The following B4GALT2 variants were observed in gnomAD, a reference collection of about 807,000 sequenced individuals.
The protein encoded by B4GALT2 is N-acetyllactosamine synthase.
Under a neutral mutation model 33.2 loss-of-function variants are expected in B4GALT2, and 18 were observed. The observed-to-expected ratio is 0.54, with a 90% CI of 0.38 to 0.80. B4GALT2 has a LOEUF of 0.80. Among genes scored for constraint, B4GALT2 ranks in the 30% least tolerant of loss-of-function variants. The pLI is 0.00. For synonymous variants in B4GALT2, 214 were observed against 217.6 expected (o/e 0.98, Z 0.15); for missense variants, 404 against 526.2 (o/e 0.77, Z 2.27).
chr1:43,981,613 C>T lies in B4GALT2; in HGVS notation c.314-76C>T. 1.2e-5 allele frequency: 19 copies of T among 1,543,494 alleles called. No homozygotes were observed. Among genetic ancestry groups the T allele is most frequent in the Non-Finnish European group, 1.6e-5 (18 of 1,141,274 alleles). ...CTATTCTTGGGGTTCCCTAGCCCAC[C>T]CCCAGGCTGAGGGTGGGGGCTGGTA... is the stretch of plus-strand genomic sequence containing the variant. On this transcript the variant is annotated intron_variant, in intron 2 of 6. Transcript: ENST00000372324. This position sits in a 1 kb window ranked among gnomAD's most constrained non-coding sequence, Gnocchi z 8.1.
chr1:43,985,698 A>G, intron 6 of B4GALT2, 77 bp downstream of exon 6: 2 of 1,410,316 alleles, frequency 1.4e-6, no homozygotes, highest in Admixed American at 3.4e-5. Flanking sequence ...CAAGTGGCCC[A>G]ATCCCTGATC....
Position 43,985,433 on chromosome 1 carries a change from TG to T in B4GALT2, c.863+42del, listed in dbSNP as rs753945497. 4.9e-3 allele frequency: 691 copies of T among 142,292 alleles called. 22 individuals carry two copies. The highest frequency in any genetic ancestry group is 4.4e-3 in the African/African-American group (26 of 5,904). The allele number at this position is 142,292 out of a possible 1,614,324, so 8.8% of individuals were successfully genotyped here. A position where few individuals can be genotyped will look rare whatever the true frequency, so the allele number is the denominator to read the frequency against. On this transcript the variant is annotated intron_variant, in intron 5 of 6. Transcript: ENST00000372324. Reference sequence around the variant, plus strand: ...AGCACGCGGTGGGGAATAGGCTGGGTGGGGGGGGGAGGGGGGGTGCAGACTG... The same window carrying T: ...AGCACGCGGTGGGGAATAGGCTGGGTGGGGGGGGAGGGGGGGTGCAGACTG...
At chr1:43,986,985 G>A (rs1157900976) in intron 6 of B4GALT2, among the ~76,000 whole-genome samples, 2 of 152,140 alleles carry the variant, frequency 1.3e-5, no homozygotes, top group African/African-American at 4.8e-5. Context: ...GAGTGGGGGA[G>A]GTGGTTTGTA....
Position 43,984,450 on chromosome 1 carries a change from G to C in B4GALT2, c.550-415G>C, listed in dbSNP as rs1402308916. 6.6e-6 allele frequency among the ~76,000 whole-genome samples: 1 copy of C among 152,254 alleles called. No individual in the cohort carries two copies. The highest frequency in any genetic ancestry group is 2.4e-5 in the African/African-American group (1 of 41,466). On this transcript the variant is annotated intron_variant, in intron 3 of 6. Coordinates refer to ENST00000372324, the MANE Select transcript of B4GALT2 (RefSeq NM_003780.5). This position sits in a 1 kb window ranked among gnomAD's most constrained non-coding sequence, Gnocchi z 5.6. Reference sequence around the variant, plus strand: ...GAATGAGATGAGAACTCCACCTGACGTTGTCAATGGGTATTGGCATAAAGG... The same window carrying C: ...GAATGAGATGAGAACTCCACCTGACCTTGTCAATGGGTATTGGCATAAAGG...
At chr1:43,986,967 C>T (rs912103237) in intron 6 of B4GALT2, among the ~76,000 whole-genome samples, 6 of 151,594 alleles carry the variant, frequency 4.0e-5, no homozygotes, top group African/African-American at 4.9e-5. Context: ...ACTCTGAACA[C>T]GGGGTAGGAG....
In B4GALT2 at chr1:43,990,696, G is replaced by C. The variant is rs988771397; in HGVS notation, c.*248G>C. On this transcript the variant is annotated 3_prime_UTR_variant, in exon 7 of 7. Transcript: ENST00000372324. ...CCTCCTTCCCGACCCCCTCCCCCTAGCCCAGCCCCAGTCACTGTCAGGGTC... is the reference window on the plus strand; with the variant it reads ...CCTCCTTCCCGACCCCCTCCCCCTACCCCAGCCCCAGTCACTGTCAGGGTC... The C allele has an allele frequency of 4.8e-5, 26 of 538,022 alleles. No individual in the cohort carries two copies. The highest frequency in any genetic ancestry group is 7.6e-5 in the Non-Finnish European group (23 of 301,572). The allele number at this position is 538,022 out of a possible 1,614,324, so 33.3% of individuals were successfully genotyped here.
Position 43,985,443 on chromosome 1 carries a change from A to AGGG in B4GALT2, c.863+48_863+50dup, listed in dbSNP as rs61096284. 1.7e-3 allele frequency: 699 copies of AGGG among 404,128 alleles called. 9 individuals are homozygous for AGGG. Among genetic ancestry groups the AGGG allele is most frequent in the African/African-American group, 1.0e-2 (344 of 34,544 alleles). The allele number at this position is 404,128 out of a possible 1,614,324, so 25.0% of individuals were successfully genotyped here. A position where few individuals can be genotyped will look rare whatever the true frequency, so the allele number is the denominator to read the frequency against. On this transcript the variant is annotated intron_variant, in intron 5 of 6. Coordinates refer to ENST00000372324, the MANE Select transcript of B4GALT2 (RefSeq NM_003780.5). ...GGGGAATAGGCTGGGTGGGGGGGGG[A>AGGG]GGGGGGGTGCAGACTGGGTGGGGTT...
intron 5 of B4GALT2, 49 bp downstream of exon 5, chr1:43,985,449 G>GTTCAGACT: frequency 1.2e-6 from 1 of 858,858 alleles, no homozygotes; most frequent in Non-Finnish European, 1.8e-6. Flanking sequence ...GGGGAGGGGG[G>GTTCAGACT]GTGCAGACTG....
rs1342433224 is a variant in B4GALT2, at chr1:43,979,920, G to A, written c.-53+409G>A. ...CCGCCCAAACGCACCCCTCAGCCTG[G>A]CCGCCAGCCTGACCCAGAACCCCTG... On this transcript the variant is annotated intron_variant, in intron 1 of 6. Coordinates refer to ENST00000372324, the MANE Select transcript of B4GALT2 (RefSeq NM_003780.5). This position sits in a 1 kb window ranked among gnomAD's most constrained non-coding sequence, Gnocchi z 4.8. 6.8e-7 allele frequency: 1 copy of A among 1,464,242 alleles called. No homozygotes were observed. Among genetic ancestry groups the A allele is most frequent in the Non-Finnish European group, 9.2e-7 (1 of 1,091,802 alleles). The allele number at this position is 1,464,242 out of a possible 1,614,324, so 90.7% of individuals were successfully genotyped here. A position where few individuals can be genotyped will look rare whatever the true frequency, so the allele number is the denominator to read the frequency against.
chr1:43,988,385 C>T (rs969817415), intron 6 of B4GALT2, among the ~76,000 whole-genome samples: 14 of 150,304 alleles, frequency 9.3e-5, no homozygotes, highest in African/African-American at 2.2e-4. Flanking sequence ...AGACGGGGCA[C>T]GGTGGCTCAT....
chr1:43,979,974 C>G lies in B4GALT2; in HGVS notation c.-53+463C>G. The G allele has an allele frequency of 1.3e-6, 2 of 1,528,586 alleles. No individual in the cohort carries two copies. The highest frequency in any genetic ancestry group is 1.7e-6 in the Non-Finnish European group (2 of 1,143,206). 94.7% of individuals were successfully genotyped at this position (1,528,586 alleles called of 1,614,324 possible). A position where few individuals can be genotyped will look rare whatever the true frequency, so the allele number is the denominator to read the frequency against. On this transcript the variant is annotated intron_variant, in intron 1 of 6. Transcript: ENST00000372324. The surrounding 1 kb of genome is among the most constrained non-coding windows in gnomAD (Gnocchi z 4.8). ...CGGAGGGAGGGTGGGAATGTCTGCA[C>G]GTGGGTCTGGGTGTGAGCTGTCTGA...
Position 43,981,811 on chromosome 1 carries a change from G to T in B4GALT2, c.436G>T (p.Ala146Ser). 1 of 1,613,878 alleles carries T rather than the reference G, an allele frequency of 6.2e-7. No individual in the cohort carries two copies. Among genetic ancestry groups the T allele is most frequent in the Non-Finnish European group, 8.5e-7 (1 of 1,180,026 alleles). Residue 146 changes from alanine (A) to serine (S), a missense_variant, in exon 3 of 7, where the codon GCG (alanine) becomes TCG (serine). Coordinates refer to ENST00000372324, the MANE Select transcript of B4GALT2 (RefSeq NM_003780.5). The surrounding 1 kb of genome is among the most constrained non-coding windows in gnomAD (Gnocchi z 8.1). ...CGACTGCACCCCAGCCCAGACGGTG[G>T]CGGTCATCATCCCCTTTAGACACCG... The part of the protein sequence containing the change: ...PPDCTPAQTV[A>S]VIIPFRHREH...
intron 6 of B4GALT2, among the ~76,000 whole-genome samples, chr1:43,987,802 A>G (rs2085676070): frequency 6.6e-6 from 1 of 152,164 alleles, no homozygotes. Flanking sequence ...CCTCCAAGCT[A>G]ATATTCTGCT....
At position 43,981,099 on chromosome 1, in the gene B4GALT2, C is replaced by A. The variant is rs2085588442; in HGVS notation, c.-52-10C>A. 3 of 1,563,814 alleles carry A rather than the reference C, an allele frequency of 1.9e-6. No homozygotes were observed. In the African/African-American group the frequency reaches 4.0e-5, roughly 21 times the overall value. Reference sequence around the variant, plus strand: ...ACCTGCTGGATCTGTTTCCCTCCCACCCTGCTCAGGCCAGCAGCCGGATGC... The same window carrying A: ...ACCTGCTGGATCTGTTTCCCTCCCAACCTGCTCAGGCCAGCAGCCGGATGC... On this transcript the variant is annotated splice_polypyrimidine_tract_variant and intron_variant, in intron 1 of 6. Coordinates refer to ENST00000372324, the MANE Select transcript of B4GALT2 (RefSeq NM_003780.5). This position sits in a 1 kb window ranked among gnomAD's most constrained non-coding sequence, Gnocchi z 8.1.
chr1:43,980,258 C>T (rs973666400), intron 1 of B4GALT2: 13 of 528,542 alleles, frequency 2.5e-5, no homozygotes, highest in Non-Finnish European at 4.1e-5. Flanking sequence ...AGACCCCCTT[C>T]CTGCCATGCC....
chr1:43,991,078 C>CT lies in B4GALT2; in HGVS notation c.*631dup, dbSNP rs2085728933. On this transcript the variant is annotated 3_prime_UTR_variant, in exon 7 of 7. Coordinates refer to ENST00000372324, the MANE Select transcript of B4GALT2 (RefSeq NM_003780.5). ...GTAAGTCTGGTTCCCGCCTCCCTGT[C>CT]TGAGAGAGGAGGCAGGAGCCCCAGG... 1.3e-5 allele frequency: 2 copies of CT among 158,238 alleles called. No homozygotes were observed. 9.8% of individuals were successfully genotyped at this position (158,238 alleles called of 1,614,324 possible).
In B4GALT2 at chr1:43,990,688, T is replaced by A; in HGVS notation, c.*240T>A. ...GAGTCAACCCTCCTTCCCGACCCCC[T>A]CCCCCTAGCCCAGCCCCAGTCACTG... On this transcript the variant is annotated 3_prime_UTR_variant, in exon 7 of 7. Transcript: ENST00000372324. The A allele has an allele frequency of 1.9e-6, 1 of 533,538 alleles. No individual in the cohort carries two copies. The allele number at this position is 533,538 out of a possible 1,614,324, so 33.1% of individuals were successfully genotyped here.
rs532288015 is a variant in B4GALT2, at chr1:43,982,641, A to G, written c.549+717A>G. Among the ~76,000 whole-genome samples the G allele has an allele frequency of 3.5e-4, 53 of 152,328 alleles. No homozygotes were observed. Among genetic ancestry groups the G allele is most frequent in the Admixed American group, 1.9e-3 (29 of 15,308 alleles). On this transcript the variant is annotated intron_variant, in intron 3 of 6. Coordinates refer to ENST00000372324, the MANE Select transcript of B4GALT2 (RefSeq NM_003780.5). This position sits in a 1 kb window ranked among gnomAD's most constrained non-coding sequence, Gnocchi z 4.3. ...ATAACTGGCCTCGTGTTCACGAACTATTGGCTGAGGTGTGGTGTCCAGCAT... is the reference window on the plus strand; with the variant it reads ...ATAACTGGCCTCGTGTTCACGAACTGTTGGCTGAGGTGTGGTGTCCAGCAT...
rs1326662693 is a variant in B4GALT2, at chr1:43,981,876, C to T, written c.501C>T (p.Pro167=). The change falls in exon 3 of 7, where the codon CCC becomes CCT. Residue 167 remains proline (P), a synonymous_variant. Coordinates refer to ENST00000372324, the MANE Select transcript of B4GALT2 (RefSeq NM_003780.5). The surrounding 1 kb of genome is among the most constrained non-coding windows in gnomAD (Gnocchi z 8.1). ...HLRYWLHYLH[P]ILRRQRLRYG... ...GCTACTGGCTCCACTATCTACACCC[C>T]ATCTTGAGGCGGCAGCGGCTGCGCT... The T allele has an allele frequency of 1.9e-6, 3 of 1,613,986 alleles. No individual in the cohort carries two copies. Among genetic ancestry groups the T allele is most frequent in the Non-Finnish European group, 2.5e-6 (3 of 1,179,998 alleles).
Sources: allele counts gnomAD v4.1 joint callset (sites outside exome capture counted in the v4.1 genomes callset), GRCh38; gene constraint gnomAD v4.1.1; non-coding constraint Gnocchi (gnomAD v3.1); transcripts MANE v1.5; gene names NCBI Gene and HGNC (gene_info 2026-07-23, HGNC 2026-07-21).